The following DTL variants were observed in gnomAD, a reference collection of about 807,000 sequenced individuals.
The protein encoded by DTL is denticleless protein homolog.
A neutral mutation model predicts 87.0 loss-of-function variants in DTL; 46 were observed. The ratio of observed to expected loss-of-function variants is 0.53; its 90% CI spans 0.42 to 0.68. The LOEUF (loss-of-function observed/expected upper bound fraction) is 0.68, where lower values mean the gene tolerates loss of function less well. DTL is among the 30% of genes least tolerant of loss of function. DTL has a pLI of 0.00. For missense variants in DTL, 737 were observed against 869.4 expected (o/e 0.85, Z 1.91); for synonymous variants, 308 against 311.2 (o/e 0.99, Z 0.11).
In DTL at chr1:212,062,438, C is replaced by T. The variant is rs376673394; in HGVS notation, c.461-446C>T. Among the ~76,000 whole-genome samples, 48 of 152,240 alleles carry T rather than the reference C, an allele frequency of 3.2e-4. 1 individual carries two copies. Among genetic ancestry groups the T allele is most frequent in the African/African-American group, 9.9e-4 (41 of 41,538 alleles). On this transcript the variant is annotated intron_variant, in intron 5 of 14. Coordinates refer to ENST00000366991, the MANE Select transcript of DTL (RefSeq NM_016448.4). ...ACAGTTTAGAGGTTTGGAGTGTAAG[C>T]TCTGGATTCATACTGCCAGGAATAC...
intron 13 of DTL, among the ~76,000 whole-genome samples, 161 bp from the exon 14 acceptor site, chr1:212,100,091 G>A (rs546327917): frequency 6.6e-6 from 1 of 152,192 alleles, no homozygotes; most frequent in South Asian, 2.1e-4. Flanking sequence ...AAAGAGAAAG[G>A]AAAATGATAA....
At chr1:212,035,990 C>A (rs369778039) in intron 1 of DTL, 48 bp downstream of exon 1, 1 of 1,586,284 alleles carries the variant, frequency 6.3e-7, no homozygotes, top group South Asian at 1.1e-5. Context: ...AATTCATTTC[C>A]CCCGAAACAC....
chr1:212,094,001 G>A (rs1007579914), intron 13 of DTL, among the ~76,000 whole-genome samples: 2 of 152,158 alleles, frequency 1.3e-5, no homozygotes, highest in African/African-American at 4.8e-5. Context: ...CTGGATAATA[G>A]TCCTTTGTTG....
chr1:212,080,802 C>A, intron 13 of DTL, 52 bp downstream of exon 13: 10 of 1,587,684 alleles, frequency 6.3e-6, no homozygotes, highest in Non-Finnish European at 7.8e-6. Flanking sequence ...TAGTTTAGTC[C>A]GACAGTACAG....
chr1:212,101,084 G>A lies in DTL; in HGVS notation c.2094G>A (p.Pro698=), dbSNP rs776745754. 4.4e-6 allele frequency: 7 copies of A among 1,596,444 alleles called. No homozygotes were observed. Among genetic ancestry groups the A allele is most frequent in the South Asian group, 1.1e-5 (1 of 87,642 alleles). The change falls in exon 14 of 15, where the codon CCG becomes CCA. Residue 698 remains proline (P), a splice_region_variant and synonymous_variant. Coordinates refer to ENST00000366991, the MANE Select transcript of DTL (RefSeq NM_016448.4). ...RRQSGKKLPS[P]VTITPSSMRK... ...AGAGCGGAAAGAAATTGCCAAGCCCGGTAAGTCAGCAGTGGTGGGAAGATA... is the reference window on the plus strand; with the variant it reads ...AGAGCGGAAAGAAATTGCCAAGCCCAGTAAGTCAGCAGTGGTGGGAAGATA...
In DTL at chr1:212,103,034, A is replaced by C. The variant is rs878952449; in HGVS notation, c.*94A>C. On this transcript the variant is annotated 3_prime_UTR_variant, in exon 15 of 15. Coordinates refer to ENST00000366991, the MANE Select transcript of DTL (RefSeq NM_016448.4). The stretch of plus-strand genomic sequence containing the variant: ...AGATGAAAAATACAAGAGTGACTCT[A>C]TAACTCTGGTCTTTAAGAAAGCTGC... The C allele has an allele frequency of 3.0e-6, 2 of 658,644 alleles. No homozygotes were observed. The highest frequency in any genetic ancestry group is 3.0e-5 in the East Asian group (1 of 33,626). The allele number at this position is 658,644 out of a possible 1,614,324, so 40.8% of individuals were successfully genotyped here.
At chr1:212,085,883 T>C (rs139971602) in intron 13 of DTL, among the ~76,000 whole-genome samples, 51 of 152,340 alleles carry the variant, frequency 3.3e-4, no homozygotes, top group African/African-American at 1.2e-3. Context: ...GACTATTCTT[T>C]AGCCCATTGA....
At chr1:212,062,432 T>C (rs1654356101) in intron 5 of DTL, among the ~76,000 whole-genome samples, 1 of 152,160 alleles carries the variant, frequency 6.6e-6, no homozygotes, top group Non-Finnish European at 1.5e-5. Flanking sequence ...AGGTTTGGAG[T>C]GTAAGCTCTG....
chr1:212,072,006 A>G (rs1036732767), intron 10 of DTL, 95 bp from the exon 11 acceptor site: 152 of 837,194 alleles, frequency 1.8e-4, no homozygotes, highest in Non-Finnish European at 2.8e-4. Context: ...TAGGCAATAC[A>G]GTGATAAAAC....
At position 212,050,933 on chromosome 1, in the gene DTL, A is replaced by G. The variant is rs11806912; in HGVS notation, c.460+3516A>G. On this transcript the variant is annotated intron_variant, in intron 5 of 14. Coordinates refer to ENST00000366991, the MANE Select transcript of DTL (RefSeq NM_016448.4). ...TTTTCTTCTGCTTGTATAATATGTT[A>G]CACTTTTGGTCTTTTATAGAATTTC... is the stretch of plus-strand genomic sequence containing the variant. Among the ~76,000 whole-genome samples the G allele has an allele frequency of 5.2e-3, 789 of 152,016 alleles. 10 individuals are homozygous for G. The highest frequency in any genetic ancestry group is 0.018 in the African/African-American group (763 of 41,448).
intron 13 of DTL, among the ~76,000 whole-genome samples, chr1:212,084,324 T>TA (rs1278524231): frequency 6.6e-6 from 1 of 152,068 alleles, no homozygotes; most frequent in Non-Finnish European, 1.5e-5. Context: ...TAGCTGGAAT[T>TA]ACAGGCGTGT....
chr1:212,056,429 T>G (rs1668180600), intron 5 of DTL, among the ~76,000 whole-genome samples: 1 of 152,212 alleles, frequency 6.6e-6, no homozygotes, highest in South Asian at 2.1e-4. Context: ...ATGCTACTGC[T>G]TGCATCCAGA....
chr1:212,071,776 A>G (rs1015237045), intron 10 of DTL, among the ~76,000 whole-genome samples: 1 of 152,222 alleles, frequency 6.6e-6, no homozygotes, highest in Non-Finnish European at 1.5e-5. Context: ...AGAGGGTCTT[A>G]TAAAGGCATT....
rs1359935698 is a variant in DTL at position 212,043,357 on chromosome 1, C to CA, written c.178+241dup. Among the ~76,000 whole-genome samples, 5 of 152,100 alleles carry CA rather than the reference C, an allele frequency of 3.3e-5. No individual in the cohort carries two copies. The East Asian group carries it at 9.6e-4, about 29-fold the overall frequency. On this transcript the variant is annotated intron_variant, in intron 2 of 14. Coordinates refer to ENST00000366991, the MANE Select transcript of DTL (RefSeq NM_016448.4). ...TATTATAGCACTATTTTTAAAAAAT[C>CA]AATATAAGGAAGGGGTTGCAAAGGT...
chr1:212,040,072 A>G (rs1488349072), intron 1 of DTL, among the ~76,000 whole-genome samples: 1 of 152,262 alleles, frequency 6.6e-6, no homozygotes, highest in Non-Finnish European at 1.5e-5. Flanking sequence ...AAATTTTTTA[A>G]CTTTTTGACC....
intron 1 of DTL, 102 bp downstream of exon 1, chr1:212,036,044 T>G: frequency 4.5e-6 from 5 of 1,120,086 alleles, no homozygotes; most frequent in Non-Finnish European, 6.7e-6. Context: ...GAACTCAGCT[T>G]CTGAGTTCTC....
intron 11 of DTL, among the ~76,000 whole-genome samples, chr1:212,075,570 A>T (rs1254258642): frequency 2.0e-5 from 3 of 152,194 alleles, no homozygotes; most frequent in Non-Finnish European, 4.4e-5. Context: ...TCTCATTAGA[A>T]GGAATGAATC....
At chr1:212,094,695 A>G (rs1332469374) in intron 13 of DTL, among the ~76,000 whole-genome samples, 2 of 152,176 alleles carry the variant, frequency 1.3e-5, no homozygotes, top group African/African-American at 2.4e-5. Context: ...TTTTAGCAGT[A>G]TAGTTATTTT....
chr1:212,063,263 GTTT>G (rs1377793590), intron 6 of DTL, among the ~76,000 whole-genome samples: 9 of 150,470 alleles, frequency 6.0e-5, no homozygotes, highest in Non-Finnish European at 1.0e-4. Context: ...CTTTATTTTG[GTTT>G]TTAAGAATTT....
Sources: gnomAD v4.1 joint callset for allele counts (sites outside exome capture counted in the v4.1 genomes callset) on GRCh38, gnomAD v4.1.1 for gene constraint, MANE v1.5 for transcripts, NCBI Gene and HGNC (gene_info 2026-07-23, HGNC 2026-07-21) for gene names.